Variants in NALF1 observed in about 807,000 individuals in gnomAD.
The protein encoded by NALF1 is family with sequence similarity 155 member A.
A neutral mutation model predicts 48.4 loss-of-function variants in NALF1; 3 were observed. That is an observed-to-expected ratio of 0.06 (90% CI 0.03 to 0.16). NALF1 has a LOEUF of 0.16. Ranked by LOEUF, NALF1 falls within the 10% of genes least tolerant of loss-of-function variation. NALF1 has a pLI of 1.00. For synonymous variants in NALF1, 262 were observed against 245.7 expected, an observed-to-expected ratio of 1.07 and a Z score of -0.62; for missense variants, 526 against 571.5, an observed-to-expected ratio of 0.92 and a Z score of 0.81.
Position 107,730,773 on chromosome 13 carries a change from T to C in NALF1, c.915+134909A>G, listed in dbSNP as rs559597661. ...TGAATCACCACCAATTAACCTTTTA[T>C]TATAATTGAATAAATGAGTAACAGT... On this transcript the variant is annotated intron_variant, in intron 1 of 2. Transcript: ENST00000375915. 5.3e-5 allele frequency among the ~76,000 whole-genome samples: 8 copies of C among 152,320 alleles called. No individual in the cohort carries two copies. In the South Asian group the frequency reaches 1.4e-3, roughly 28 times the overall value.
At chr13:107,718,130 A>T (rs945727533) in intron 1 of NALF1, among the ~76,000 whole-genome samples, 2 of 152,114 alleles carry the variant, frequency 1.3e-5, no homozygotes, top group African/African-American at 4.8e-5. Flanking sequence ...TGCTGTAAAC[A>T]TGTGTCCTTG....
At chr13:107,606,821 G>A (rs1370946455) in intron 1 of NALF1, among the ~76,000 whole-genome samples, 1 of 152,094 alleles carries the variant, frequency 6.6e-6, no homozygotes, top group Non-Finnish European at 1.5e-5. Flanking sequence ...TATTACTGAG[G>A]CACCAGTGAT....
chr13:107,599,417 G>A (rs1275079510), intron 1 of NALF1, among the ~76,000 whole-genome samples: 6 of 113,450 alleles, frequency 5.3e-5, no homozygotes, highest in Admixed American at 9.5e-5. Flanking sequence ...GCGAGACTCC[G>A]TCTCAAAAAA....
intron 1 of NALF1, among the ~76,000 whole-genome samples, chr13:107,350,394 C>T (rs1222110712): frequency 6.6e-6 from 1 of 152,224 alleles, no homozygotes; most frequent in Non-Finnish European, 1.5e-5. Context: ...AAGTGCTTCA[C>T]ATAAAAGCAA....
chr13:107,207,047 T>C (rs944230172), intron 2 of NALF1, among the ~76,000 whole-genome samples: 4 of 152,184 alleles, frequency 2.6e-5, no homozygotes, highest in African/African-American at 7.2e-5. Flanking sequence ...GGAAATCAAA[T>C]GCTTGATGAT....
chr13:107,378,448 A>C (rs1194631623), intron 1 of NALF1, among the ~76,000 whole-genome samples: 2 of 152,152 alleles, frequency 1.3e-5, no homozygotes, highest in Non-Finnish European at 2.9e-5. Flanking sequence ...TTGGTAATAC[A>C]GTCAATTTTA....
chr13:107,436,176 C>T (rs984177964), intron 1 of NALF1, among the ~76,000 whole-genome samples: 2 of 152,134 alleles, frequency 1.3e-5, no homozygotes, highest in African/African-American at 4.8e-5. Flanking sequence ...TAAATAACTG[C>T]CTAAACCTAA....
rs114272656 is a variant in NALF1 at position 107,721,164 on chromosome 13, A to G, written c.915+144518T>C. 8.5e-3 allele frequency among the ~76,000 whole-genome samples: 1,291 copies of G among 151,748 alleles called. 18 individuals carry two copies. Among genetic ancestry groups the G allele is most frequent in the African/African-American group, 0.03 (1,230 of 41,342 alleles). ...CACACACACACGTAATGAAATAATC[A>G]TAACTCTCATTTATGGAATAGACAT... On this transcript the variant is annotated intron_variant, in intron 1 of 2. Coordinates refer to ENST00000375915, the MANE Select transcript of NALF1 (RefSeq NM_001080396.3).
chr13:107,552,669 A>C (rs370456026), intron 1 of NALF1, among the ~76,000 whole-genome samples: 3 of 152,310 alleles, frequency 2.0e-5, no homozygotes, highest in East Asian at 1.9e-4. Context: ...TTGATATTCA[A>C]GGCACTATAA....
At chr13:107,281,743 G>C (rs1881391711) in intron 1 of NALF1, among the ~76,000 whole-genome samples, 2 of 152,310 alleles carry the variant, frequency 1.3e-5, no homozygotes, top group Non-Finnish European at 2.9e-5. Context: ...CAGCATGGCT[G>C]TGGAAGCCTC....
chr13:107,423,228 T>C (rs766159399), intron 1 of NALF1, among the ~76,000 whole-genome samples: 29 of 152,200 alleles, frequency 1.9e-4, no homozygotes, highest in Non-Finnish European at 3.8e-4. Flanking sequence ...TACTGTTGAC[T>C]TAATGAAGGA....
At chr13:107,234,705 GA>G (rs112420394) in intron 1 of NALF1, among the ~76,000 whole-genome samples, 1 of 150,918 alleles carries the variant, frequency 6.6e-6, no homozygotes, top group Non-Finnish European at 1.5e-5. Flanking sequence ...CATAAGCTTA[GA>G]AAAAAAAACC....
intron 1 of NALF1, among the ~76,000 whole-genome samples, chr13:107,360,692 CTGAG>C (rs753230347): frequency 2.0e-4 from 30 of 152,162 alleles, no homozygotes; most frequent in South Asian, 1.5e-3. Flanking sequence ...TAATTCTCAC[CTGAG>C]TATCATTGTC....
intron 1 of NALF1, among the ~76,000 whole-genome samples, chr13:107,845,395 G>C (rs1880144819): frequency 6.6e-6 from 1 of 152,138 alleles, no homozygotes; most frequent in African/African-American, 2.4e-5. Context: ...CTGATGATAA[G>C]GAATAGGTGG....
chr13:107,484,881 C>T (rs1269619081), intron 1 of NALF1, among the ~76,000 whole-genome samples: 3 of 152,090 alleles, frequency 2.0e-5, no homozygotes, highest in Admixed American at 6.6e-5. Context: ...TTCATAGACA[C>T]GGTAATCCAT....
intron 1 of NALF1, among the ~76,000 whole-genome samples, chr13:107,400,741 T>C (rs1427958874): frequency 6.6e-6 from 1 of 151,898 alleles, no homozygotes; most frequent in Non-Finnish European, 1.5e-5. Flanking sequence ...GCAGACAAAT[T>C]AAAATTTACC....
At chr13:107,532,827 T>TATAA in intron 1 of NALF1, among the ~76,000 whole-genome samples, 1 of 151,640 alleles carries the variant, frequency 6.6e-6, no homozygotes, top group Non-Finnish European at 1.5e-5. Context: ...AGGAATATAA[T>TATAA]TTTGTGCTAG....
chr13:107,175,044 C>A (rs1878894407), intron 2 of NALF1, among the ~76,000 whole-genome samples: 3 of 75,768 alleles, frequency 4.0e-5, no homozygotes, highest in African/African-American at 7.0e-5. Context: ...CCACGACGCC[C>A]GGCTAACTTT....
intron 1 of NALF1, among the ~76,000 whole-genome samples, chr13:107,234,790 A>C (rs922345639): frequency 6.6e-6 from 1 of 152,206 alleles, no homozygotes; most frequent in African/African-American, 2.4e-5. Context: ...AATGCCTTCC[A>C]ATATGGTTAT....
Sources: gnomAD v4.1 joint callset for allele counts (sites outside exome capture counted in the v4.1 genomes callset) on GRCh38, gnomAD v4.1.1 for gene constraint, MANE v1.5 for transcripts, NCBI Gene and HGNC (gene_info 2026-07-23, HGNC 2026-07-21) for gene names.